The following FAT3 variants were observed in gnomAD, a reference collection of about 807,000 sequenced individuals.
The protein encoded by FAT3 is protocadherin Fat 3.
Under a neutral mutation model 310.2 loss-of-function variants are expected in FAT3, and 95 were observed. The ratio of observed to expected loss-of-function variants is 0.31; its 90% CI spans 0.26 to 0.36. The LOEUF (loss-of-function observed/expected upper bound fraction) is 0.36. Ranked by LOEUF, FAT3 falls within the 10% of genes least tolerant of loss-of-function variation. FAT3 has a pLI of 1.00. For missense variants in FAT3, 5,408 were observed against 5,715.6 expected (o/e 0.95, Z 1.74); for synonymous variants, 2,314 against 2,192.9 (o/e 1.06, Z -1.54).
At chr11:92,737,546 T>TGA (rs150817569) in intron 4 of FAT3, among the ~76,000 whole-genome samples, 6 of 150,636 alleles carry the variant, frequency 4.0e-5, no homozygotes, top group Non-Finnish European at 7.4e-5. Context: ...TCTGTGTGTG[T>TGA]GAGAGAGAGA....
intron 20 of FAT3, among the ~76,000 whole-genome samples, chr11:92,858,609 C>T (rs769849742): frequency 1.3e-4 from 20 of 152,084 alleles, no homozygotes; most frequent in Non-Finnish European, 2.4e-4. Context: ...AGGGGAGCCT[C>T]GAAATTAATG....
chr11:92,728,067 C>T (rs1323199406), intron 4 of FAT3, among the ~76,000 whole-genome samples: 1 of 152,176 alleles, frequency 6.6e-6, no homozygotes, highest in Non-Finnish European at 1.5e-5. Context: ...AGTGGTTTTA[C>T]ATAGCTCTGG....
intron 2 of FAT3, among the ~76,000 whole-genome samples, chr11:92,449,216 AG>A (rs1394528787): frequency 1.3e-5 from 2 of 152,226 alleles, no homozygotes; most frequent in Non-Finnish European, 2.9e-5. Flanking sequence ...GAAAGAATAC[AG>A]GCCAAAGAAT....
intron 3 of FAT3, among the ~76,000 whole-genome samples, chr11:92,649,083 T>C (rs1358272320): frequency 6.6e-6 from 1 of 152,174 alleles, no homozygotes; most frequent in Non-Finnish European, 1.5e-5. Flanking sequence ...TTGTCTCTCA[T>C]ATTCAGTGTG....
intron 2 of FAT3, among the ~76,000 whole-genome samples, chr11:92,357,801 T>A (rs191283094): frequency 6.6e-5 from 10 of 152,232 alleles, no homozygotes; most frequent in Admixed American, 3.3e-4. Flanking sequence ...ACAGTGTTTC[T>A]ACCTTGGGTG....
chr11:92,831,954 A>T lies in FAT3; in HGVS notation c.9814A>T (p.Thr3272Ser). 6.3e-7 allele frequency: 1 copy of T among 1,585,830 alleles called. No homozygotes were observed. The highest frequency in any genetic ancestry group is 8.6e-7 in the Non-Finnish European group (1 of 1,165,400). ...AGATATTGGCACAAATGCTGAGATCACTTATCTCATCCGGTCTGGGAACGA... is the reference window on the plus strand; with the variant it reads ...AGATATTGGCACAAATGCTGAGATCTCTTATCTCATCCGGTCTGGGAACGA... ...SKDIGTNAEITYLIRSGNEQG... is the reference protein window; with the variant it reads ...SKDIGTNAEISYLIRSGNEQG... The change falls in exon 14 of 28, where the codon ACT (threonine) becomes TCT (serine). Residue 3272 changes from threonine (T) to serine (S), a missense_variant. Around this residue, in one of 5 missense-constraint regions of FAT3, gnomAD observed 4,588 missense variants for 4,809.8 expected, o/e 0.95. Coordinates refer to ENST00000525166, the MANE Select transcript of FAT3 (RefSeq NM_001367949.2).
intron 22 of FAT3, among the ~76,000 whole-genome samples, chr11:92,871,794 A>G (rs75240008): frequency 1.3e-5 from 1 of 74,444 alleles, no homozygotes; most frequent in Non-Finnish European, 3.8e-5. Context: ...AAGCATCTCT[A>G]TTTTTAACAA....
chr11:92,413,089 G>A (rs912767530), intron 2 of FAT3, among the ~76,000 whole-genome samples: 2 of 152,036 alleles, frequency 1.3e-5, no homozygotes, highest in African/African-American at 4.8e-5. Context: ...TATTTGGCCT[G>A]TTCTTCCTTC....
At chr11:92,384,407 G>A (rs771919411) in intron 2 of FAT3, among the ~76,000 whole-genome samples, 1 of 152,156 alleles carries the variant, frequency 6.6e-6, no homozygotes, top group African/African-American at 2.4e-5. Flanking sequence ...ATTTCTCATC[G>A]AGTTTCTTTT....
intron 1 of FAT3, among the ~76,000 whole-genome samples, chr11:92,242,972 G>GT (rs926223569): frequency 2.9e-4 from 43 of 147,828 alleles, no homozygotes; most frequent in East Asian, 7.9e-4. Flanking sequence ...TCGGAGGACT[G>GT]TTTTTTTTTT....
At chr11:92,746,903 A>G (rs1945687992) in intron 4 of FAT3, among the ~76,000 whole-genome samples, 2 of 152,322 alleles carry the variant, frequency 1.3e-5, no homozygotes, top group Non-Finnish European at 2.9e-5. Context: ...GTGGGCTCCC[A>G]TGGCCTTGAG....
At chr11:92,770,402 G>A (rs1047955791) in intron 6 of FAT3, among the ~76,000 whole-genome samples, 1 of 152,100 alleles carries the variant, frequency 6.6e-6, no homozygotes, top group East Asian at 1.9e-4. Flanking sequence ...TTTCAGCCAG[G>A]TACTGTGCTT....
intron 2 of FAT3, among the ~76,000 whole-genome samples, chr11:92,484,488 C>T (rs1475914363): frequency 3.9e-5 from 6 of 152,220 alleles, no homozygotes; most frequent in South Asian, 2.1e-4. Flanking sequence ...AACTCAAAAT[C>T]GTTCTGGGAA....
intron 1 of FAT3, among the ~76,000 whole-genome samples, chr11:92,254,772 C>A (rs1211512010): frequency 1.3e-5 from 2 of 152,040 alleles, no homozygotes; most frequent in Non-Finnish European, 2.9e-5. Flanking sequence ...ATGGCATGAT[C>A]TCGGCTCACT....
chr11:92,753,956 T>C (rs1420334647), intron 4 of FAT3, among the ~76,000 whole-genome samples: 1 of 151,852 alleles, frequency 6.6e-6, no homozygotes, highest in Non-Finnish European at 1.5e-5. Context: ...GCTATGAAGA[T>C]GCAAAGGCAT....
intron 4 of FAT3, among the ~76,000 whole-genome samples, chr11:92,711,821 C>G (rs1944531871): frequency 6.6e-6 from 1 of 152,158 alleles, no homozygotes; most frequent in South Asian, 2.1e-4. Flanking sequence ...CAAATATCAG[C>G]TACTCTCCTT....
At chr11:92,592,905 A>C (rs1281710138) in intron 3 of FAT3, among the ~76,000 whole-genome samples, 1 of 152,144 alleles carries the variant, frequency 6.6e-6, no homozygotes, top group Non-Finnish European at 1.5e-5. Context: ...ATTGTTGTAC[A>C]ATCTTCAGAA....
intron 3 of FAT3, among the ~76,000 whole-genome samples, chr11:92,679,612 G>C (rs1007339368): frequency 6.6e-6 from 1 of 151,884 alleles, no homozygotes; most frequent in African/African-American, 2.4e-5. Flanking sequence ...GGAGTCCGAG[G>C]TGGGCGGATC....
At chr11:92,333,605 G>A (rs1947976053) in intron 1 of FAT3, among the ~76,000 whole-genome samples, 1 of 152,090 alleles carries the variant, frequency 6.6e-6, no homozygotes, top group Non-Finnish European at 1.5e-5. Context: ...AACATAATCA[G>A]AATTCTCCAG....
Sources: allele counts gnomAD v4.1 joint callset (sites outside exome capture counted in the v4.1 genomes callset), GRCh38; gene constraint gnomAD v4.1.1; regional missense constraint gnomAD v4.1.1; transcripts MANE v1.5; gene names NCBI Gene and HGNC (gene_info 2026-07-23, HGNC 2026-07-21).